The following HMGB1 variants were observed in gnomAD, a reference collection of about 807,000 sequenced individuals.
HMGB1 encodes high mobility group protein B1.
For synonymous variants in HMGB1, 81 were observed against 84.0 expected (o/e 0.96, Z 0.19); for missense variants, 79 against 253.5 (o/e 0.31, Z 4.67).
intron 1 of HMGB1, among the ~76,000 whole-genome samples, chr13:30,587,679 T>G (rs1274988783): frequency 6.6e-6 from 1 of 152,208 alleles, no homozygotes; most frequent in East Asian, 1.9e-4. Flanking sequence ...TACTAAGATG[T>G]GATGCTCACA....
chr13:30,552,739 A>C (rs1167125790), intron 1 of HMGB1, among the ~76,000 whole-genome samples: 2 of 152,244 alleles, frequency 1.3e-5, no homozygotes, highest in African/African-American at 2.4e-5. Flanking sequence ...GAGACATTGA[A>C]GATTCTCATT....
chr13:30,612,297 G>C (rs1032681063), intron 1 of HMGB1, among the ~76,000 whole-genome samples: 2 of 151,556 alleles, frequency 1.3e-5, no homozygotes, highest in Non-Finnish European at 2.9e-5. Flanking sequence ...TTAGAGTAGG[G>C]GTAGAGGACA....
At chr13:30,611,554 T>G (rs1485350525) in intron 1 of HMGB1, among the ~76,000 whole-genome samples, 1 of 152,246 alleles carries the variant, frequency 6.6e-6, no homozygotes, top group East Asian at 1.9e-4. Context: ...TTCACCTTTG[T>G]GAGGGTCTTC....
chr13:30,601,603 G>A (rs1365461836), intron 1 of HMGB1, among the ~76,000 whole-genome samples: 2 of 79,042 alleles, frequency 2.5e-5, no homozygotes, highest in East Asian at 4.4e-4. Context: ...AAAATTAGCC[G>A]GGCGTAGTGG....
At chr13:30,614,104 T>C (rs953921965) in intron 1 of HMGB1, among the ~76,000 whole-genome samples, 1 of 152,256 alleles carries the variant, frequency 6.6e-6, no homozygotes. Context: ...AAAATATATA[T>C]AGTAATTTAT....
exon 1 of HMGB1, chr13:30,616,771 T>C (rs920240676): frequency 2.6e-5 from 4 of 152,184 alleles, no homozygotes; most frequent in African/African-American, 9.7e-5. Context: ...CTAAATAATT[T>C]CTTCTACACG....
chr13:30,571,333 C>T (rs1371592194), intron 1 of HMGB1, among the ~76,000 whole-genome samples: 5 of 149,542 alleles, frequency 3.3e-5, no homozygotes, highest in Admixed American at 6.7e-5. Flanking sequence ...CTCGCTCTCT[C>T]GCCCAGGCTG....
intron 1 of HMGB1, chr13:30,464,603 G>A: frequency 1.0e-6 from 1 of 984,214 alleles, no homozygotes; most frequent in Non-Finnish European, 1.2e-6. Flanking sequence ...CCCCCATTTT[G>A]TCAGGCTCGG....
intron 1 of HMGB1, among the ~76,000 whole-genome samples, chr13:30,570,323 C>A (rs962212731): frequency 1.3e-5 from 2 of 152,176 alleles, no homozygotes; most frequent in African/African-American, 4.8e-5. Context: ...AATAATGATT[C>A]AAGTTCTCAT....
intron 1 of HMGB1, among the ~76,000 whole-genome samples, chr13:30,534,992 G>A (rs1888581256): frequency 6.6e-6 from 1 of 152,252 alleles, no homozygotes; most frequent in African/African-American, 2.4e-5. Context: ...CAGCACTGGA[G>A]AGACTGTTCA....
At chr13:30,596,300 C>T (rs961746745) in intron 1 of HMGB1, among the ~76,000 whole-genome samples, 1 of 152,106 alleles carries the variant, frequency 6.6e-6, no homozygotes, top group Non-Finnish European at 1.5e-5. Context: ...CATACTAGGG[C>T]CCTACAATTA....
chr13:30,595,383 T>C (rs1168913938), intron 1 of HMGB1, among the ~76,000 whole-genome samples: 4 of 152,176 alleles, frequency 2.6e-5, no homozygotes, highest in Admixed American at 6.5e-5. Context: ...TAAGAAGTAA[T>C]TGAAGGCTGT....
chr13:30,520,710 A>G lies in HMGB1; in HGVS notation c.-14-57016T>C, dbSNP rs1335022478. Reference sequence around the variant, plus strand: ...GCCTTGTGAATCACTTGTTTGACTCAGAGTCTGCTTCACTGCTTATTCACT... The same window carrying G: ...GCCTTGTGAATCACTTGTTTGACTCGGAGTCTGCTTCACTGCTTATTCACT... On this transcript the variant is annotated intron_variant, in intron 1 of 4. Coordinates refer to the HMGB1 transcript ENST00000405805. Among the ~76,000 whole-genome samples the G allele has an allele frequency of 2.6e-5, 4 of 152,222 alleles. No individual in the cohort carries two copies. The East Asian group carries it at 5.8e-4, about 22-fold the overall frequency.
rs559060155 is a variant in HMGB1, at chr13:30,572,268, C to A, written c.-15+44403G>T. Among the ~76,000 whole-genome samples, 3 of 152,122 alleles carry A rather than the reference C, an allele frequency of 2.0e-5. 1 individual carries two copies. The South Asian group carries it at 6.2e-4, about 31-fold the overall frequency. ...AGAAAATAACTGCAATAGAATGCAA[C>A]GACATCTCAGAGATAAAGTGTTCAA... On this transcript the variant is annotated intron_variant, in intron 1 of 4. Coordinates refer to the HMGB1 transcript ENST00000405805.
intron 1 of HMGB1, among the ~76,000 whole-genome samples, chr13:30,528,884 C>G (rs1315465447): frequency 1.3e-5 from 2 of 152,062 alleles, no homozygotes; most frequent in Admixed American, 6.5e-5. Context: ...AAAAAATTAG[C>G]CAGGCGTGGT....
intron 1 of HMGB1, among the ~76,000 whole-genome samples, chr13:30,550,953 C>T (rs1869398756): frequency 6.6e-6 from 1 of 152,156 alleles, no homozygotes; most frequent in East Asian, 1.9e-4. Context: ...AGTGGCACTA[C>T]CCTGGCACAT....
chr13:30,472,763 C>T (rs1400347125), intron 1 of HMGB1, among the ~76,000 whole-genome samples: 5 of 151,672 alleles, frequency 3.3e-5, no homozygotes, highest in African/African-American at 7.3e-5. Context: ...AGGCCAGTTT[C>T]GGAAAAGGAG....
At chr13:30,468,957 G>T (rs1303443605), upstream of HMGB1, among the ~76,000 whole-genome samples, 2 of 151,930 alleles carry the variant, frequency 1.3e-5, no homozygotes, top group African/African-American at 2.4e-5. Flanking sequence ...GGAATGGCAC[G>T]ATCTCAGCTC....
At chr13:30,527,515 A>G (rs749924691) in intron 1 of HMGB1, among the ~76,000 whole-genome samples, 19 of 151,984 alleles carry the variant, frequency 1.3e-4, no homozygotes, top group Non-Finnish European at 2.6e-4. Flanking sequence ...GCCTGTGTCT[A>G]TGCCACCACT....
Sources: gnomAD v4.1 joint callset for allele counts (sites outside exome capture counted in the v4.1 genomes callset) on GRCh38, gnomAD v4.1.1 for gene constraint, MANE v1.5 for transcripts, NCBI Gene and HGNC (gene_info 2026-07-23, HGNC 2026-07-21) for gene names.